HPD: variants seen among roughly 807,000 people sequenced by gnomAD.
The protein encoded by HPD is 4-hydroxyphenylpyruvate dioxygenase, also known as 4-hydroxyphenylpyruvic acid oxidase.
HPD carries 35 observed loss-of-function variants against 56.9 expected under a neutral mutation model. The observed-to-expected ratio is 0.62, with a 90% CI of 0.47 to 0.82. The LOEUF is 0.82. Ranked by LOEUF, HPD falls within the 40% of genes least tolerant of loss-of-function variation. The pLI, the probability that HPD is intolerant of heterozygous loss-of-function variation, is 0.00. For synonymous variants in HPD, 186 were observed against 200.2 expected (o/e 0.93, Z 0.60); for missense variants, 442 against 506.8 (o/e 0.87, Z 1.23).
At chr12:121,880,590 A>G in the HPD span, among the ~76,000 whole-genome samples, 3 of 152,222 alleles carry the variant, frequency 2.0e-5, no homozygotes, top group African/African-American at 2.4e-5. Flanking sequence ...ATTTGAATGT[A>G]GAGTTTAATG....
intron 12 of HPD, among the ~76,000 whole-genome samples, chr12:121,841,592 A>T (rs1459171510): frequency 6.6e-6 from 1 of 152,204 alleles, no homozygotes; most frequent in African/African-American, 2.4e-5. Context: ...CAGCCACAAA[A>T]AGGAACGAAG....
the HPD span, among the ~76,000 whole-genome samples, chr12:121,883,860 G>T: frequency 1.2e-4 from 18 of 151,904 alleles, no homozygotes; most frequent in Admixed American, 9.9e-4. Context: ...TTTGCTAATT[G>T]TTACATTTTG....
At chr12:121,879,831 A>C in the HPD span, among the ~76,000 whole-genome samples, 1 of 152,118 alleles carries the variant, frequency 6.6e-6, no homozygotes, top group African/African-American at 2.4e-5. Flanking sequence ...TGGTGTGTGT[A>C]TATGTGTGTG....
chr12:121,850,845 C>T (rs1047561678), intron 7 of HPD, among the ~76,000 whole-genome samples: 1 of 151,074 alleles, frequency 6.6e-6, no homozygotes, highest in Admixed American at 6.6e-5. Context: ...ACTACAAGCA[C>T]GTGCCACCAC....
intron 11 of HPD, among the ~76,000 whole-genome samples, chr12:121,846,611 C>T (rs1877591885): frequency 6.6e-6 from 1 of 152,152 alleles, no homozygotes; most frequent in Non-Finnish European, 1.5e-5. Context: ...GAACCGGGAC[C>T]ATCACCCAGG....
intron 11 of HPD, among the ~76,000 whole-genome samples, chr12:121,846,024 C>A (rs895184845): frequency 2.0e-4 from 31 of 152,094 alleles, no homozygotes; most frequent in African/African-American, 7.2e-4. Flanking sequence ...TTCAGCCTCC[C>A]AAGTAGCTAG....
chr12:121,849,834 C>A, intron 7 of HPD, 44 bp from the exon 8 acceptor site: 1 of 1,311,320 alleles, frequency 7.6e-7, no homozygotes, highest in South Asian at 1.2e-5. Context: ...GGCACCCATC[C>A]CCGCCGAGGA....
upstream of HPD, among the ~76,000 whole-genome samples, chr12:121,867,700 G>T (rs1350760268): frequency 6.6e-6 from 1 of 152,090 alleles, no homozygotes; most frequent in Non-Finnish European, 1.5e-5. Flanking sequence ...TTTTAATAGA[G>T]ACAGGGTTTT....
chr12:121,878,793 C>A, the HPD span, among the ~76,000 whole-genome samples: 3 of 151,854 alleles, frequency 2.0e-5, no homozygotes, highest in Non-Finnish European at 4.4e-5. Flanking sequence ...CCCACCTCAG[C>A]CTCCCCAGCA....
At chr12:121,851,835 G>A (rs1154512) in intron 7 of HPD, among the ~76,000 whole-genome samples, 1,701 of 29,144 alleles carry the variant, frequency 0.058, 747 homozygotes, top group African/African-American at 0.22. Flanking sequence ...TCAGCCTCCC[G>A]AGTAGCTGGG....
chr12:121,845,103 A>T (rs1056646320), intron 11 of HPD, among the ~76,000 whole-genome samples: 1 of 148,344 alleles, frequency 6.7e-6, no homozygotes, highest in Non-Finnish European at 1.5e-5. Flanking sequence ...GGATATATAT[A>T]TATATACACA....
intron 6 of HPD, among the ~76,000 whole-genome samples, chr12:121,855,673 C>T (rs899562311): frequency 9.9e-5 from 15 of 150,874 alleles, no homozygotes; most frequent in East Asian, 5.9e-4. Flanking sequence ...GCCAAGATTG[C>T]GCCACTGCTC....
intron 7 of HPD, among the ~76,000 whole-genome samples, chr12:121,850,317 C>G (rs898489032): frequency 2.0e-5 from 3 of 151,396 alleles, no homozygotes; most frequent in Admixed American, 1.3e-4. Context: ...GTCCCAGCTA[C>G]TTGGGAGGCT....
chr12:121,866,300 CAAA>C (rs71453584), upstream of HPD, among the ~76,000 whole-genome samples: 10 of 95,028 alleles, frequency 1.1e-4, no homozygotes, highest in Non-Finnish European at 1.0e-4. Flanking sequence ...GACTCCGCCT[CAAA>C]AAAAAAAAAA....
upstream of HPD, chr12:121,859,198 G>A (rs1878112321): frequency 2.8e-6 from 1 of 350,892 alleles, no homozygotes; most frequent in South Asian, 2.7e-5. Context: ...TTGCCTAGAG[G>A]AAATTTGAGG....
At chr12:121,840,248 G>T (rs77508031) in intron 12 of HPD, among the ~76,000 whole-genome samples, 200 bp from the exon 13 acceptor site, 1 of 152,040 alleles carries the variant, frequency 6.6e-6, no homozygotes, top group Non-Finnish European at 1.5e-5. Context: ...ACTGCTGCCC[G>T]CTTCTAATCT....
chr12:121,862,915 C>T (rs940462875), upstream of HPD, among the ~76,000 whole-genome samples: 17 of 148,446 alleles, frequency 1.1e-4, no homozygotes, highest in Non-Finnish European at 1.0e-4. Flanking sequence ...CTCCTGACCT[C>T]GTGATTCGCT....
upstream of HPD, chr12:121,858,968 C>T: frequency 1.1e-6 from 1 of 904,172 alleles, no homozygotes; most frequent in Non-Finnish European, 1.8e-6. Context: ...TGGAAGGTTC[C>T]AGGCCTGGGG....
At position 121,839,802 on chromosome 12, in the gene HPD, C is replaced by G. The variant is rs142321451; in HGVS notation, c.1108G>C (p.Ala370Pro). 1 of 1,614,062 alleles carries G rather than the reference C, an allele frequency of 6.2e-7. No homozygotes were observed. The highest frequency in any genetic ancestry group is 8.5e-7 in the Non-Finnish European group (1 of 1,180,040). ...CGCAGGTTCTGCTCCTCCTCGAAAG[C>G]CTTGAACAGTGAGTTGAAGTTGCCG... ...GAGNFNSLFK[A>P]FEEEQNLRGN... is the part of the protein sequence containing the mutation. Residue 370 changes from alanine (A) to proline (P), a missense_variant, in exon 14 of 14, where the codon GCT (alanine) becomes CCT (proline). By Grantham distance (27) the Ala-to-Pro change is conservative. Transcript: ENST00000289004.
Sources: allele counts gnomAD v4.1 joint callset (sites outside exome capture counted in the v4.1 genomes callset), GRCh38; gene constraint gnomAD v4.1.1; transcripts MANE v1.5; gene names NCBI Gene and HGNC (gene_info 2026-07-23, HGNC 2026-07-21).